Variants in SPAG16 observed in about 807,000 individuals in gnomAD.
SPAG16 encodes sperm-associated antigen 16 protein.
A neutral mutation model predicts 80.4 loss-of-function variants in SPAG16; 86 were observed. That is an observed-to-expected ratio of 1.07 (90% CI 0.90 to 1.28). The LOEUF (loss-of-function observed/expected upper bound fraction) is 1.28, where lower values mean the gene tolerates loss of function less well. SPAG16 is among the 50% of genes most tolerant of loss of function. The pLI, the probability that SPAG16 is intolerant of heterozygous loss-of-function variation, is 0.00. For synonymous variants in SPAG16, 294 were observed against 265.9 expected (o/e 1.11, Z -1.03); for missense variants, 870 against 765.3 (o/e 1.14, Z -1.61).
chr2:214,292,219 C>T (rs868238425), intron 15 of SPAG16, among the ~76,000 whole-genome samples: 1 of 152,062 alleles, frequency 6.6e-6, no homozygotes, highest in South Asian at 2.1e-4. Flanking sequence ...CTATAATATG[C>T]TGTGGATAAT....
intron 9 of SPAG16, among the ~76,000 whole-genome samples, chr2:213,414,398 A>G (rs961689321): frequency 4.6e-5 from 7 of 152,150 alleles, no homozygotes; most frequent in Non-Finnish European, 1.0e-4. Context: ...TTTACTGTAG[A>G]ATATTTATAA....
rs765460771 is a variant in SPAG16 at position 213,919,533 on chromosome 2, T to C, written c.1215-10427T>C. On this transcript the variant is annotated intron_variant, in intron 11 of 15. Transcript: ENST00000331683. ...TAACTTCTTACTTCTTGATTTCTGC[T>C]TTAATTTCATTATTTACTCAAAAGC... Among the ~76,000 whole-genome samples the C allele has an allele frequency of 4.6e-5, 7 of 152,332 alleles. No individual in the cohort carries two copies. The East Asian group carries it at 1.3e-3, about 29-fold the overall frequency.
At chr2:213,943,971 A>G (rs1313946332) in intron 12 of SPAG16, among the ~76,000 whole-genome samples, 1 of 152,210 alleles carries the variant, frequency 6.6e-6, no homozygotes, top group Non-Finnish European at 1.5e-5. Context: ...TGGACCATAG[A>G]GCTATTCAAC....
intron 15 of SPAG16, among the ~76,000 whole-genome samples, chr2:214,353,341 A>G (rs1164316876): frequency 1.3e-5 from 2 of 152,130 alleles, no homozygotes; most frequent in African/African-American, 4.8e-5. Context: ...TGATAATACT[A>G]TGCATAGAGA....
At chr2:213,723,470 C>A (rs141358760) in intron 10 of SPAG16, among the ~76,000 whole-genome samples, 11 of 152,260 alleles carry the variant, frequency 7.2e-5, no homozygotes, top group Admixed American at 3.3e-4. Context: ...TTATTTTGCA[C>A]TGAATTACCA....
chr2:213,613,778 A>G (rs571127274), intron 10 of SPAG16, among the ~76,000 whole-genome samples: 5 of 152,264 alleles, frequency 3.3e-5, no homozygotes, highest in South Asian at 2.1e-4. Context: ...CTTGATGCAT[A>G]ATAGATGCTA....
intron 15 of SPAG16, among the ~76,000 whole-genome samples, chr2:214,231,498 A>G (rs1688701177): frequency 6.6e-6 from 1 of 152,034 alleles, no homozygotes; most frequent in Non-Finnish European, 1.5e-5. Context: ...AGTATTGTAT[A>G]ACGATACTCA....
At chr2:213,728,942 C>A (rs2066907861) in intron 10 of SPAG16, among the ~76,000 whole-genome samples, 1 of 138,834 alleles carries the variant, frequency 7.2e-6, no homozygotes, top group East Asian at 2.2e-4. Flanking sequence ...TGATGGCAGC[C>A]TTGACCACAG....
intron 11 of SPAG16, among the ~76,000 whole-genome samples, chr2:213,887,025 T>C (rs1006686421): frequency 6.6e-6 from 1 of 152,106 alleles, no homozygotes; most frequent in African/African-American, 2.4e-5. Flanking sequence ...TTTTTCTATT[T>C]TTAAAACTTT....
At position 213,538,780 on chromosome 2, in the gene SPAG16, G is replaced by T. The variant is rs902790106; in HGVS notation, c.1070+48690G>T. The stretch of plus-strand genomic sequence containing the variant: ...CCATTCACAGGGTTAGGATTATTTT[G>T]TATTAACCAAAAAAGTATGTATGTA... On this transcript the variant is annotated intron_variant, in intron 10 of 15. Transcript: ENST00000331683. Among the ~76,000 whole-genome samples, 6 of 151,976 alleles carry T rather than the reference G, an allele frequency of 3.9e-5. No individual in the cohort carries two copies. In the East Asian group the frequency reaches 7.7e-4, roughly 20 times the overall value.
At chr2:213,938,763 T>C (rs1490793469) in intron 12 of SPAG16, among the ~76,000 whole-genome samples, 2 of 151,984 alleles carry the variant, frequency 1.3e-5, no homozygotes, top group African/African-American at 4.8e-5. Flanking sequence ...ATATAAAAAA[T>C]GGCAAGCAAT....
chr2:214,128,721 G>A (rs1430365912), intron 14 of SPAG16, among the ~76,000 whole-genome samples: 1 of 151,912 alleles, frequency 6.6e-6, no homozygotes, highest in Non-Finnish European at 1.5e-5. Flanking sequence ...TATGTAATAT[G>A]GTGATATTAC....
Position 214,273,290 on chromosome 2 carries a change from G to C in SPAG16, c.1720+124024G>C, listed in dbSNP as rs544506151. Among the ~76,000 whole-genome samples, 36 of 152,234 alleles carry C rather than the reference G, an allele frequency of 2.4e-4. No individual in the cohort carries two copies. The South Asian group carries it at 7.0e-3, about 30-fold the overall frequency. ...TTCTTTTGCTGTGCAGAAGATCTTA[G>C]TTTAATCAGATCCCATTTGTCTATT... On this transcript the variant is annotated intron_variant, in intron 15 of 15. Coordinates refer to ENST00000331683, the MANE Select transcript of SPAG16 (RefSeq NM_024532.5).
At position 213,356,993 on chromosome 2, in the gene SPAG16, A is replaced by C. The variant is rs933710192; in HGVS notation, c.762+6348A>C. ...CAAAGAACGTCTTTATTTCTGCCTT[A>C]ATTTCGTTATGTACCCAGTAGTCAT... On this transcript the variant is annotated intron_variant, in intron 7 of 15. Coordinates refer to ENST00000331683, the MANE Select transcript of SPAG16 (RefSeq NM_024532.5). 8.6e-5 allele frequency among the ~76,000 whole-genome samples: 13 copies of C among 152,022 alleles called. No homozygotes were observed. The South Asian group carries it at 1.2e-3, about 15-fold the overall frequency.
At chr2:213,586,658 A>T (rs1056946605) in intron 10 of SPAG16, among the ~76,000 whole-genome samples, 4 of 152,342 alleles carry the variant, frequency 2.6e-5, no homozygotes, top group South Asian at 4.1e-4. Flanking sequence ...TCTAAACATG[A>T]TCTAAATCAG....
At chr2:214,291,729 G>GTGTT (rs1693819853) in intron 15 of SPAG16, among the ~76,000 whole-genome samples, 2 of 152,174 alleles carry the variant, frequency 1.3e-5, no homozygotes, top group African/African-American at 4.8e-5. Context: ...GTTTCGGGTT[G>GTGTT]TGTTGTATAT....
At chr2:213,322,716 AAAAT>A (rs2063676596) in intron 5 of SPAG16, among the ~76,000 whole-genome samples, 2 of 152,196 alleles carry the variant, frequency 1.3e-5, no homozygotes. Context: ...GCTATGAAGA[AAAAT>A]AACATGGGTA....
chr2:213,509,985 A>G (rs2075158110), intron 10 of SPAG16, among the ~76,000 whole-genome samples: 1 of 152,138 alleles, frequency 6.6e-6, no homozygotes, highest in Admixed American at 6.6e-5. Context: ...TAAAGGGGAT[A>G]TCACCACCGA....
chr2:214,194,464 A>G (rs969536673), intron 15 of SPAG16, among the ~76,000 whole-genome samples: 2 of 152,112 alleles, frequency 1.3e-5, no homozygotes, highest in Admixed American at 1.3e-4. Flanking sequence ...AGATAGAAGA[A>G]TGGTACACAC....
Sources: allele counts gnomAD v4.1 joint callset (sites outside exome capture counted in the v4.1 genomes callset), GRCh38; gene constraint gnomAD v4.1.1; transcripts MANE v1.5; gene names NCBI Gene and HGNC (gene_info 2026-07-23, HGNC 2026-07-21).